PLCB4: variants seen among roughly 807,000 people sequenced by gnomAD.
The protein encoded by PLCB4 is 1-phosphatidylinositol 4,5-bisphosphate phosphodiesterase beta-4.
Under a neutral mutation model 178.8 loss-of-function variants are expected in PLCB4, and 77 were observed. That is an observed-to-expected ratio of 0.43 (90% CI 0.36 to 0.52). The LOEUF is 0.52. Among genes scored for constraint, PLCB4 ranks in the 20% least tolerant of loss-of-function variants. The probability of loss-of-function intolerance (pLI) is 0.00; values close to 1 mark genes in which losing one functional copy is unlikely to be tolerated. For missense variants in PLCB4, 1,024 were observed against 1,453.4 expected, an observed-to-expected ratio of 0.70 and a Z score of 4.80; for synonymous variants, 496 against 490.8, an observed-to-expected ratio of 1.01 and a Z score of -0.14.
At chr20:9,342,745 T>A (rs1388456512) in intron 7 of PLCB4, among the ~76,000 whole-genome samples, 1 of 151,654 alleles carries the variant, frequency 6.6e-6, no homozygotes, top group Non-Finnish European at 1.5e-5. Flanking sequence ...CTAAGGACAC[T>A]CATTGGGCAG....
intron 3 of PLCB4, among the ~76,000 whole-genome samples, chr20:9,240,416 A>G (rs2094045672): frequency 6.6e-6 from 1 of 152,048 alleles, no homozygotes. Context: ...TAATTTTTGT[A>G]ACTATATTAT....
intron 3 of PLCB4, among the ~76,000 whole-genome samples, chr20:9,248,269 T>G (rs1480751833): frequency 6.6e-6 from 1 of 152,200 alleles, no homozygotes; most frequent in Admixed American, 6.5e-5. Context: ...ACAATGATGT[T>G]CACTTGAACG....
intron 2 of PLCB4, among the ~76,000 whole-genome samples, chr20:9,209,978 A>AAG (rs2093656152): frequency 6.6e-6 from 1 of 151,162 alleles, no homozygotes; most frequent in African/African-American, 2.4e-5. Context: ...AAAAAAAAAA[A>AAG]AAAAAAAAGA....
intron 3 of PLCB4, among the ~76,000 whole-genome samples, chr20:9,248,876 T>A (rs2094151408): frequency 6.6e-6 from 1 of 152,184 alleles, no homozygotes; most frequent in Non-Finnish European, 1.5e-5. Flanking sequence ...ATTCTGGAAG[T>A]CAGAAGTCCA....
intron 28 of PLCB4, among the ~76,000 whole-genome samples, chr20:9,429,110 G>C (rs1394069166): frequency 6.6e-6 from 1 of 152,154 alleles, no homozygotes; most frequent in Admixed American, 6.5e-5. Context: ...AGAGCTTTAA[G>C]TTAAATCTTA....
At chr20:9,088,669 T>C (rs964947517) in intron 1 of PLCB4, among the ~76,000 whole-genome samples, 2 of 152,194 alleles carry the variant, frequency 1.3e-5, no homozygotes, top group African/African-American at 4.8e-5. Flanking sequence ...TGTAAAATTC[T>C]TTACTGATTT....
chr20:9,147,468 G>A (rs1279613263), intron 2 of PLCB4, among the ~76,000 whole-genome samples: 1 of 152,104 alleles, frequency 6.6e-6, no homozygotes, highest in Non-Finnish European at 1.5e-5. Flanking sequence ...GGGGGGTTCA[G>A]CTGCTCAATG....
Position 9,099,823 on chromosome 20 carries a change from T to C in PLCB4, c.-79+3481T>C, listed in dbSNP as rs555658982. On this transcript the variant is annotated intron_variant, in intron 2 of 39. Coordinates refer to ENST00000378473, the MANE Select transcript of PLCB4 (RefSeq NM_001377142.1). ...CCATAATCTTCCAGCTCCCCTCCCT[T>C]TCATTATGGCCCATATCCCCTGACA... Among the ~76,000 whole-genome samples, 206 of 152,238 alleles carry C rather than the reference T, an allele frequency of 1.4e-3. 1 individual carries two copies. Among genetic ancestry groups the C allele is most frequent in the Non-Finnish European group, 3.7e-4 (25 of 68,002 alleles).
rs571674901 is a variant in PLCB4 at position 9,363,084 on chromosome 20, C to T, written c.449+109C>T. The T allele has an allele frequency of 2.0e-5, 15 of 757,296 alleles. No individual in the cohort carries two copies. In the Admixed American group the frequency reaches 2.0e-4, roughly 10 times the overall value. The allele number at this position is 757,296 out of a possible 1,614,324, so 46.9% of individuals were successfully genotyped here. A position where few individuals can be genotyped will look rare whatever the true frequency, so the allele number is the denominator to read the frequency against. On this transcript the variant is annotated intron_variant, in intron 8 of 39. Coordinates refer to ENST00000378473, the MANE Select transcript of PLCB4 (RefSeq NM_001377142.1). ...TCCTCCAAATTCCTGCTTGCCTTTC[C>T]CTCCATGCTCCTGACCTTGGAGTTG...
At chr20:9,318,625 A>T (rs2094926543) in intron 4 of PLCB4, among the ~76,000 whole-genome samples, 1 of 152,210 alleles carries the variant, frequency 6.6e-6, no homozygotes, top group South Asian at 2.1e-4. Flanking sequence ...AATGCCTGTT[A>T]TCATTTAAAC....
intron 2 of PLCB4, among the ~76,000 whole-genome samples, chr20:9,119,415 G>C (rs1433432814): frequency 6.6e-6 from 1 of 150,948 alleles, no homozygotes; most frequent in African/African-American, 2.4e-5. Context: ...AAGGTCAAAA[G>C]AAAGTGTGCC....
chr20:9,316,672 G>A (rs1195193929), intron 4 of PLCB4, among the ~76,000 whole-genome samples: 1 of 152,144 alleles, frequency 6.6e-6, no homozygotes, highest in Non-Finnish European at 1.5e-5. Flanking sequence ...TTTCTTGTCA[G>A]CACAGCTGTG....
intron 7 of PLCB4, among the ~76,000 whole-genome samples, chr20:9,352,864 T>C (rs75632957): frequency 0.041 from 6,235 of 152,286 alleles, 435 homozygotes; most frequent in African/African-American, 0.14. Context: ...CCTCCCATGC[T>C]AATAGATGGC....
At chr20:9,419,949 C>T (rs1568790100) in intron 26 of PLCB4, 40 bp downstream of exon 26, 9 of 1,166,020 alleles carry the variant, frequency 7.7e-6, no homozygotes, top group Non-Finnish European at 1.2e-5. Context: ...TAAATGTATA[C>T]ACAAGTGGTC....
At chr20:9,404,934 G>A (rs749071753) in intron 20 of PLCB4, among the ~76,000 whole-genome samples, 2 of 152,120 alleles carry the variant, frequency 1.3e-5, no homozygotes, top group African/African-American at 2.4e-5. Context: ...TATATGAATT[G>A]GGGACAGTAT....
chr20:9,199,920 A>G (rs1444919066), intron 2 of PLCB4, among the ~76,000 whole-genome samples: 3 of 145,156 alleles, frequency 2.1e-5, no homozygotes. Flanking sequence ...TTGTTAATCC[A>G]TCTTCTGGCT....
chr20:9,361,029 T>G (rs568080814), intron 7 of PLCB4, among the ~76,000 whole-genome samples: 1 of 152,316 alleles, frequency 6.6e-6, no homozygotes, highest in African/African-American at 2.4e-5. Context: ...ATTAGAACCC[T>G]GAGCAAAAGG....
intron 12 of PLCB4, among the ~76,000 whole-genome samples, chr20:9,375,614 G>A (rs1203492429): frequency 3.3e-5 from 5 of 152,010 alleles, no homozygotes; most frequent in Admixed American, 1.3e-4. Context: ...AGTATGATAC[G>A]ATGTTTATTT....
chr20:9,243,837 T>C (rs527362803), intron 3 of PLCB4, among the ~76,000 whole-genome samples: 2 of 152,222 alleles, frequency 1.3e-5, no homozygotes, highest in Admixed American at 1.3e-4. Flanking sequence ...ATGGGAATTA[T>C]TGTGAACTAC....
Sources: gnomAD v4.1 joint callset for allele counts (sites outside exome capture counted in the v4.1 genomes callset) on GRCh38, gnomAD v4.1.1 for gene constraint, MANE v1.5 for transcripts, NCBI Gene and HGNC (gene_info 2026-07-23, HGNC 2026-07-21) for gene names.